The following TCF12 variants were observed in gnomAD, a reference collection of about 807,000 sequenced individuals.
The protein encoded by TCF12 is DNA-binding protein HTF4.
Under a neutral mutation model 86.0 loss-of-function variants are expected in TCF12, and 45 were observed. The ratio of observed to expected loss-of-function variants is 0.52; its 90% CI spans 0.41 to 0.67. The LOEUF (loss-of-function observed/expected upper bound fraction) is 0.67. Ranked by LOEUF, TCF12 falls within the 30% of genes least tolerant of loss-of-function variation. The probability of loss-of-function intolerance (pLI) is 0.00; values close to 1 mark genes in which losing one functional copy is unlikely to be tolerated. For missense variants in TCF12, 881 were observed against 859.9 expected (o/e 1.02, Z -0.31); for synonymous variants, 330 against 299.6 (o/e 1.10, Z -1.05).
chr15:57,051,388 G>A lies in TCF12; in HGVS notation c.149-12362G>A, dbSNP rs148866590. Among the ~76,000 whole-genome samples the A allele has an allele frequency of 1.7e-3, 266 of 152,320 alleles. 1 individual carries two copies. The highest frequency in any genetic ancestry group is 3.4e-3 in the Middle Eastern group (1 of 294). ...AATGTAAATTTTTGAACCTTCCTCA[G>A]CTGTGGCTTTCTGCTCCCTTGTGTT... On this transcript the variant is annotated intron_variant, in intron 3 of 20. Transcript: ENST00000333725.
chr15:56,949,457 T>G (rs970314885), intron 3 of TCF12, among the ~76,000 whole-genome samples: 1 of 152,218 alleles, frequency 6.6e-6, no homozygotes, highest in Non-Finnish European at 1.5e-5. Flanking sequence ...GAAAAAGGCT[T>G]GAAACTCAGT....
At position 56,977,725 on chromosome 15, in the gene TCF12, A is replaced by G. The variant is rs374522177; in HGVS notation, c.148+56627A>G. Reference sequence around the variant, plus strand: ...AAGGAAAAAGTAATCTGTTTTTGGCAATTGAGTATTGGCTAAACGTTAGAA... The same window carrying G: ...AAGGAAAAAGTAATCTGTTTTTGGCGATTGAGTATTGGCTAAACGTTAGAA... On this transcript the variant is annotated intron_variant, in intron 3 of 20. Transcript: ENST00000333725. Among the ~76,000 whole-genome samples the G allele has an allele frequency of 7.2e-5, 11 of 152,304 alleles. No individual in the cohort carries two copies. In the East Asian group the frequency reaches 2.1e-3, roughly 29 times the overall value.
chr15:57,066,735 C>A (rs564933439), intron 4 of TCF12, among the ~76,000 whole-genome samples: 1 of 152,238 alleles, frequency 6.6e-6, no homozygotes, highest in Admixed American at 6.5e-5. Context: ...CTCCCATTCC[C>A]ATGCCAAACT....
At chr15:57,004,600 G>A (rs972320974) in intron 3 of TCF12, among the ~76,000 whole-genome samples, 1 of 152,004 alleles carries the variant, frequency 6.6e-6, no homozygotes, top group East Asian at 1.9e-4. Flanking sequence ...TAGTAGAGAC[G>A]GGGTTTCATT....
At chr15:56,959,568 T>G (rs1368255139) in intron 3 of TCF12, among the ~76,000 whole-genome samples, 2 of 152,222 alleles carry the variant, frequency 1.3e-5, no homozygotes, top group Non-Finnish European at 2.9e-5. Flanking sequence ...AAGCAATAAT[T>G]CAGTTTTTGT....
At chr15:57,164,293 C>T (rs575035215) in intron 5 of TCF12, among the ~76,000 whole-genome samples, 11 of 152,192 alleles carry the variant, frequency 7.2e-5, no homozygotes, top group Admixed American at 5.2e-4. Context: ...TTCGTTCTCA[C>T]GCTGCTAATA....
At chr15:57,012,182 C>T (rs2064873117) in intron 3 of TCF12, among the ~76,000 whole-genome samples, 1 of 151,904 alleles carries the variant, frequency 6.6e-6, no homozygotes, top group African/African-American at 2.4e-5. Flanking sequence ...ATATAAAAAC[C>T]ACATAAAACA....
intron 4 of TCF12, among the ~76,000 whole-genome samples, chr15:57,077,720 C>T (rs2151040852): frequency 6.7e-6 from 1 of 148,912 alleles, no homozygotes; most frequent in East Asian, 2.0e-4. Flanking sequence ...ACGTGAGCTA[C>T]CACACCTGGC....
chr15:57,174,651 T>G (rs1295942918), intron 6 of TCF12, among the ~76,000 whole-genome samples: 2 of 152,214 alleles, frequency 1.3e-5, no homozygotes, highest in Non-Finnish European at 2.9e-5. Flanking sequence ...CAAGAAAACT[T>G]CTAAAACTAA....
chr15:57,219,527 T>C (rs768360974), intron 8 of TCF12: 1 of 1,612,734 alleles, frequency 6.2e-7, no homozygotes, highest in East Asian at 2.2e-5. Flanking sequence ...TCAACATGTA[T>C]TGTGCTTATC....
chr15:57,133,041 T>C (rs1223074743), intron 5 of TCF12, among the ~76,000 whole-genome samples: 1 of 152,236 alleles, frequency 6.6e-6, no homozygotes, highest in Non-Finnish European at 1.5e-5. Context: ...AGCTAGGTTA[T>C]TTTAGAAGGA....
In TCF12 at chr15:57,211,965, C is replaced by T. The variant is rs62022233; in HGVS notation, c.579+14140C>T. Among the ~76,000 whole-genome samples the T allele has an allele frequency of 3.4e-3, 101 of 29,712 alleles. 1 individual carries two copies. The highest frequency in any genetic ancestry group is 0.023 in the East Asian group (29 of 1,242). The allele number at this position is 29,712 out of a possible 152,430, so 19.5% of individuals were successfully genotyped here. ...CAGGACTTTGAGACATACACACACA[C>T]GCACACACACACACCACACACACAC... On this transcript the variant is annotated intron_variant, in intron 8 of 20. Coordinates refer to ENST00000333725, the MANE Select transcript of TCF12 (RefSeq NM_207037.2).
chr15:57,223,207 G>C (rs1303299583), intron 8 of TCF12, among the ~76,000 whole-genome samples: 3 of 151,838 alleles, frequency 2.0e-5, no homozygotes, highest in Non-Finnish European at 2.9e-5. Context: ...AAGTACTGAG[G>C]TCAGAATTTG....
At chr15:57,092,802 A>T (rs1283707547) in intron 5 of TCF12, among the ~76,000 whole-genome samples, 1 of 152,118 alleles carries the variant, frequency 6.6e-6, no homozygotes, top group Admixed American at 6.6e-5. Flanking sequence ...CATTGATTTC[A>T]TTACTTACTT....
intron 3 of TCF12, among the ~76,000 whole-genome samples, chr15:57,035,849 G>A (rs1429447619): frequency 6.6e-6 from 1 of 152,118 alleles, no homozygotes; most frequent in Non-Finnish European, 1.5e-5. Flanking sequence ...CCGTTGCACC[G>A]CAGGAGGTGA....
chr15:57,107,496 T>C (rs28414972), intron 5 of TCF12, among the ~76,000 whole-genome samples: 66,031 of 151,966 alleles, frequency 0.43, 14,599 homozygotes, highest in East Asian at 0.59. Context: ...GTGGTAGATA[T>C]ATGTCATTAT....
At chr15:57,061,005 C>A (rs2043815600) in intron 3 of TCF12, among the ~76,000 whole-genome samples, 1 of 152,170 alleles carries the variant, frequency 6.6e-6, no homozygotes, top group African/African-American at 2.4e-5. Flanking sequence ...AACTACAGAG[C>A]TTGAGTTTAA....
At position 57,270,196 on chromosome 15, in the gene TCF12, A is replaced by G. The variant is rs545081494; in HGVS notation, c.1746-2834A>G. Reference sequence around the variant, plus strand: ...CTCCCCATCACTTTCAGGTACACCAATCAAATGTAGATTTGGTCTTTTAAT... The same window carrying G: ...CTCCCCATCACTTTCAGGTACACCAGTCAAATGTAGATTTGGTCTTTTAAT... On this transcript the variant is annotated intron_variant, in intron 18 of 20. Coordinates refer to ENST00000333725, the MANE Select transcript of TCF12 (RefSeq NM_207037.2). Among the ~76,000 whole-genome samples the G allele has an allele frequency of 1.7e-4, 26 of 152,340 alleles. No individual in the cohort carries two copies. In the East Asian group the frequency reaches 4.8e-3, roughly 28 times the overall value.
At chr15:57,120,018 T>C (rs1168628281) in intron 5 of TCF12, among the ~76,000 whole-genome samples, 3 of 152,196 alleles carry the variant, frequency 2.0e-5, no homozygotes, top group African/African-American at 7.2e-5. Flanking sequence ...TAGTTTGAAG[T>C]GTTTTATGTT....
Sources: gnomAD v4.1 joint callset for allele counts (sites outside exome capture counted in the v4.1 genomes callset) on GRCh38, gnomAD v4.1.1 for gene constraint, MANE v1.5 for transcripts, NCBI Gene and HGNC (gene_info 2026-07-23, HGNC 2026-07-21) for gene names.